ESF1: variants seen among roughly 807,000 people sequenced by gnomAD.
ESF1 encodes the protein ESF1 nucleolar pre-rRNA processing protein.
ESF1 carries 58 observed loss-of-function variants against 92.0 expected under a neutral mutation model. The ratio of observed to expected loss-of-function variants is 0.63; its 90% CI spans 0.51 to 0.78. ESF1 has a LOEUF of 0.78. Among genes scored for constraint, ESF1 ranks in the 30% least tolerant of loss-of-function variants. The pLI, the probability that ESF1 is intolerant of heterozygous loss-of-function variation, is 0.00. For synonymous variants in ESF1, 321 were observed against 313.7 expected (o/e 1.02, Z -0.24); for missense variants, 922 against 989.1 (o/e 0.93, Z 0.91).
chr20:13,726,869 C>G (rs1331404512), intron 11 of ESF1, among the ~76,000 whole-genome samples: 1 of 147,974 alleles, frequency 6.8e-6, no homozygotes, highest in African/African-American at 2.5e-5. Context: ...AAAACAAAAC[C>G]CACTGCAAAA....
At chr20:13,767,389 C>T (rs1172691170) in intron 7 of ESF1, among the ~76,000 whole-genome samples, 1 of 152,004 alleles carries the variant, frequency 6.6e-6, no homozygotes, top group Non-Finnish European at 1.5e-5. Flanking sequence ...GGCGTGGTAG[C>T]AGGTGCCTGT....
At chr20:13,782,476 C>G in intron 2 of ESF1, 28 bp downstream of exon 2, 1 of 1,476,494 alleles carries the variant, frequency 6.8e-7, no homozygotes, top group Non-Finnish European at 8.9e-7. Context: ...ATGTAACACC[C>G]AAGAATCTCT....
chr20:13,775,082 CAAAAAAA>C, intron 4 of ESF1, 68 bp downstream of exon 4: 1 of 732,112 alleles, frequency 1.4e-6, no homozygotes, highest in Non-Finnish European at 2.0e-6. Flanking sequence ...AAACTATGGC[CAAAAAAA>C]AAAAAAAAAA....
intron 4 of ESF1, 124 bp downstream of exon 4, chr20:13,775,033 T>G: frequency 1.6e-6 from 1 of 610,564 alleles, no homozygotes; most frequent in South Asian, 2.2e-5. Context: ...TCACACTCAA[T>G]TGGATTGGAC....
intron 13 of ESF1, 83 bp downstream of exon 13, chr20:13,717,285 T>TTG: frequency 6.5e-7 from 1 of 1,527,576 alleles, no homozygotes; most frequent in Non-Finnish European, 8.9e-7. Context: ...AGGGTAACTT[T>TTG]GACTATGCTC....
At chr20:13,726,650 G>C (rs1406815984) in intron 11 of ESF1, among the ~76,000 whole-genome samples, 1 of 152,084 alleles carries the variant, frequency 6.6e-6, no homozygotes, top group Non-Finnish European at 1.5e-5. Context: ...CTTTAAACCA[G>C]ACTCCATGAG....
In ESF1 at chr20:13,736,817, T is replaced by C. The variant is rs188845077; in HGVS notation, c.1829-2975A>G. On this transcript the variant is annotated intron_variant, in intron 9 of 13. Coordinates refer to ENST00000617257, the MANE Select transcript of ESF1 (RefSeq NM_001276380.2). ...TTTTCTGGTACTTTGTTTACAACAA[T>C]AAAGAAACAGTATCTTCAGTTTAAT... is the stretch of plus-strand genomic sequence containing the variant. Among the ~76,000 whole-genome samples the C allele has an allele frequency of 8.7e-4, 132 of 152,292 alleles. 2 individuals carry two copies. The South Asian group carries it at 0.021, about 25-fold the overall frequency.
At position 13,757,424 on chromosome 20, in the gene ESF1, G is replaced by A. The variant is rs190668610; in HGVS notation, c.1828+2268C>T. Among the ~76,000 whole-genome samples, 572 of 152,184 alleles carry A rather than the reference G, an allele frequency of 3.8e-3. 3 individuals carry two copies. Among genetic ancestry groups the A allele is most frequent in the African/African-American group, 0.013 (524 of 41,512 alleles). Reference sequence around the variant, plus strand: ...TGTTTGTTTGTTTGTTTGAGACAGGGTCTCATTCTGTTGCCTAGGCTGGAG... The same window carrying A: ...TGTTTGTTTGTTTGTTTGAGACAGGATCTCATTCTGTTGCCTAGGCTGGAG... On this transcript the variant is annotated intron_variant, in intron 9 of 13. Transcript: ENST00000617257.
At chr20:13,731,652 T>C (rs2049944038) in intron 10 of ESF1, among the ~76,000 whole-genome samples, 1 of 152,170 alleles carries the variant, frequency 6.6e-6, no homozygotes. Flanking sequence ...CACGTGGTGT[T>C]ACATATATAT....
intron 13 of ESF1, 89 bp from the exon 14 acceptor site, chr20:13,715,256 T>C: frequency 1.6e-6 from 2 of 1,233,752 alleles, no homozygotes; most frequent in South Asian, 2.0e-5. Flanking sequence ...ATTTCGAAAG[T>C]TGGTGAGTTG....
intron 9 of ESF1, among the ~76,000 whole-genome samples, chr20:13,742,725 G>GA (rs1056227564): frequency 4.7e-5 from 7 of 150,200 alleles, no homozygotes; most frequent in East Asian, 1.9e-4. Flanking sequence ...AATATTAAGT[G>GA]AAAAAAAAAT....
At chr20:13,746,221 T>C (rs1255221353) in intron 9 of ESF1, among the ~76,000 whole-genome samples, 2 of 152,196 alleles carry the variant, frequency 1.3e-5, no homozygotes, top group African/African-American at 4.8e-5. Context: ...TGTCTTGGCC[T>C]CCCAAAGTGT....
chr20:13,756,280 T>C (rs1477977151), intron 9 of ESF1, among the ~76,000 whole-genome samples: 2 of 152,228 alleles, frequency 1.3e-5, no homozygotes, highest in Admixed American at 1.3e-4. Flanking sequence ...CATGCGTGCA[T>C]GTACATAAGG....
Position 13,728,425 on chromosome 20 carries a change from T to A in ESF1, c.1991A>T (p.Asp664Val), listed in dbSNP as rs1453966635. The A allele has an allele frequency of 6.2e-7, 1 of 1,613,198 alleles. No individual in the cohort carries two copies. The highest frequency in any genetic ancestry group is 8.5e-7 in the Non-Finnish European group (1 of 1,179,680). ...EEASEEELPSDVDLNDPYFAE... is the reference protein window; with the variant it reads ...EEASEEELPSVVDLNDPYFAE... ...AAAGTATGGGTCATTCAAATCAACATCAGAGGGAAGTTCCTCTTCACTGGC... is the reference window on the plus strand; with the variant it reads ...AAAGTATGGGTCATTCAAATCAACAACAGAGGGAAGTTCCTCTTCACTGGC... Residue 664 changes from aspartate (D) to valine (V), a missense_variant, in exon 11 of 14, where the codon GAT becomes GTT. By Grantham distance (152) the Asp-to-Val change is radical (BLOSUM62 -3). Coordinates refer to ENST00000617257, the MANE Select transcript of ESF1 (RefSeq NM_001276380.2).
rs1238771751 is a variant in ESF1, at chr20:13,715,049, G to A, written c.2381C>T (p.Ala794Val). ...KAMEKILEEK[A>V]RQRERKEQEL... ...TTGTTCTTTCCGTTCTCTTTGCCGG[G>A]CCTTCTCCTCAAGGATTTTTTCCAT... The change falls in exon 14 of 14, where the codon GCC becomes GTC. Residue 794 changes from alanine (A) to valine (V), a missense_variant. Transcript: ENST00000617257. 6.2e-7 allele frequency: 1 copy of A among 1,613,726 alleles called. No homozygotes were observed. The highest frequency in any genetic ancestry group is 2.2e-5 in the East Asian group (1 of 44,864).
intron 2 of ESF1, among the ~76,000 whole-genome samples, chr20:13,780,084 T>C (rs1980110512): frequency 6.6e-6 from 1 of 152,194 alleles, no homozygotes; most frequent in Non-Finnish European, 1.5e-5. Flanking sequence ...CGTGTAATCC[T>C]TATTTATGAG....
rs1363330676 is a variant in ESF1 at position 13,755,280 on chromosome 20, A to C, written c.1828+4412T>G. ...GCCAGAGATAGCTAAGAAAAACAGG[A>C]CTTTTACCATAATCAAAAATTTAAG... On this transcript the variant is annotated intron_variant, in intron 9 of 13. Coordinates refer to ENST00000617257, the MANE Select transcript of ESF1 (RefSeq NM_001276380.2). Among the ~76,000 whole-genome samples, 22 of 152,252 alleles carry C rather than the reference A, an allele frequency of 1.4e-4. No individual in the cohort carries two copies. In the South Asian group the frequency reaches 3.3e-3, roughly 23 times the overall value.
intron 8 of ESF1, among the ~76,000 whole-genome samples, chr20:13,763,172 G>A (rs1370781784): frequency 6.6e-6 from 1 of 152,040 alleles, no homozygotes; most frequent in Admixed American, 6.6e-5. Flanking sequence ...ATTTATTAAA[G>A]TTTTAAGAAA....
At chr20:13,781,402 G>A (rs758682302) in intron 2 of ESF1, among the ~76,000 whole-genome samples, 6 of 152,030 alleles carry the variant, frequency 3.9e-5, no homozygotes, top group Non-Finnish European at 7.4e-5. Context: ...AATTTTACCT[G>A]TTTCATCTTA....
Sources: gnomAD v4.1 joint callset for allele counts (sites outside exome capture counted in the v4.1 genomes callset) on GRCh38, gnomAD v4.1.1 for gene constraint, MANE v1.5 for transcripts, NCBI Gene and HGNC (gene_info 2026-07-23, HGNC 2026-07-21) for gene names.